The following CERT1 variants were observed in gnomAD, a reference collection of about 807,000 sequenced individuals.
The protein encoded by CERT1 is ceramide transporter 1, also known as ceramide transfer protein.
CERT1 carries 31 observed loss-of-function variants against 87.9 expected under a neutral mutation model. The ratio of observed to expected loss-of-function variants is 0.35; its 90% CI spans 0.27 to 0.48. CERT1 has a LOEUF of 0.48. Among genes scored for constraint, CERT1 ranks in the 20% least tolerant of loss-of-function variants. The pLI is 0.99. For missense variants in CERT1, 487 were observed against 758.0 expected (o/e 0.64, Z 4.20); for synonymous variants, 289 against 250.9 (o/e 1.15, Z -1.44).
Position 75,410,897 on chromosome 5 carries a change from AG to A in CERT1, c.930+113del. On this transcript the variant is annotated intron_variant, in intron 8 of 16. Transcript: ENST00000643780. ...ATACACTGAATTAACATAAACACTG[AG>A]GAAAAAATTATATATTTAGAATATT... is the stretch of plus-strand genomic sequence containing the variant. The A allele has an allele frequency of 5.9e-6, 3 of 511,060 alleles. No homozygotes were observed. The South Asian group carries it at 1.1e-4, about 18-fold the overall frequency. 31.7% of individuals were successfully genotyped at this position (511,060 alleles called of 1,614,324 possible).
intron 3 of CERT1, among the ~76,000 whole-genome samples, chr5:75,447,819 A>G (rs1235789595): frequency 3.3e-5 from 5 of 151,698 alleles, no homozygotes; most frequent in African/African-American, 1.2e-4. Context: ...TGTGTTACCC[A>G]GGCTAACGTG....
chr5:75,511,653 C>T, upstream of CERT1: 1 of 1,511,160 alleles, frequency 6.6e-7, no homozygotes, highest in East Asian at 2.5e-5. Context: ...CTGTCCTTTC[C>T]CCTCCCCTTC....
intron 2 of CERT1, among the ~76,000 whole-genome samples, chr5:75,497,158 T>C (rs1767110789): frequency 6.6e-6 from 1 of 152,146 alleles, no homozygotes; most frequent in Non-Finnish European, 1.5e-5. Context: ...TGCATGAGAA[T>C]CTGTTCAAAC....
At chr5:75,432,777 C>G (rs759363999) in intron 3 of CERT1, among the ~76,000 whole-genome samples, 83 of 152,312 alleles carry the variant, frequency 5.4e-4, no homozygotes, top group Non-Finnish European at 1.0e-3. Flanking sequence ...TCACCAAGGC[C>G]TATGCCTAGA....
At chr5:75,392,569 A>G (rs900441085) in intron 11 of CERT1, among the ~76,000 whole-genome samples, 2 of 152,188 alleles carry the variant, frequency 1.3e-5, no homozygotes, top group African/African-American at 4.8e-5. Context: ...AAAGTAACCA[A>G]TATTACCATA....
chr5:75,402,106 T>C (rs1176230916), intron 9 of CERT1: 1 of 152,210 alleles, frequency 6.6e-6, no homozygotes, highest in African/African-American at 2.4e-5. Context: ...GAAATACTTT[T>C]CTTCAATTTC....
chr5:75,484,637 TAAG>T (rs995221085), intron 2 of CERT1, among the ~76,000 whole-genome samples: 32 of 151,694 alleles, frequency 2.1e-4, no homozygotes, highest in African/African-American at 7.5e-4. Context: ...CAACAAGAAA[TAAG>T]AAGGTCGTTA....
intron 2 of CERT1, among the ~76,000 whole-genome samples, chr5:75,469,418 T>C (rs1001289091): frequency 3.9e-5 from 6 of 152,096 alleles, no homozygotes; most frequent in African/African-American, 1.2e-4. Flanking sequence ...ACAGAAAACT[T>C]TGCAAACCTG....
chr5:75,380,777 C>CAA (rs35083616), intron 16 of CERT1, among the ~76,000 whole-genome samples: 614 of 52,864 alleles, frequency 0.012, 13 homozygotes, highest in East Asian at 0.064. Flanking sequence ...GACTCCATCT[C>CAA]AAAAAAAAAA....
chr5:75,448,584 G>C (rs1342309642), intron 3 of CERT1, among the ~76,000 whole-genome samples: 1 of 152,106 alleles, frequency 6.6e-6, no homozygotes, highest in Non-Finnish European at 1.5e-5. Context: ...TTTTCTCCCA[G>C]CTAATGTCCT....
intron 3 of CERT1, among the ~76,000 whole-genome samples, chr5:75,439,931 G>C (rs111880314): frequency 3.7e-4 from 57 of 152,118 alleles, no homozygotes; most frequent in African/African-American, 8.9e-4. Flanking sequence ...CACTAGAGAA[G>C]TTATAGTCTG....
At chr5:75,382,982 C>T (rs965289406) in intron 14 of CERT1, among the ~76,000 whole-genome samples, 1 of 151,832 alleles carries the variant, frequency 6.6e-6, no homozygotes, top group African/African-American at 2.4e-5. Flanking sequence ...ATCAAGAGAC[C>T]AGTAGCCCTC....
chr5:75,469,532 G>T (rs1344896679), intron 2 of CERT1, among the ~76,000 whole-genome samples: 1 of 150,682 alleles, frequency 6.6e-6, no homozygotes, highest in Non-Finnish European at 1.5e-5. Flanking sequence ...TTTTTAGGTT[G>T]TTATCAGTTT....
intron 2 of CERT1, among the ~76,000 whole-genome samples, chr5:75,483,343 T>TA (rs1399472997): frequency 2.0e-5 from 3 of 151,412 alleles, no homozygotes; most frequent in African/African-American, 4.9e-5. Flanking sequence ...TCAGAGGAGA[T>TA]AAAAAAAGAA....
chr5:75,431,384 G>A (rs974435111), intron 3 of CERT1, among the ~76,000 whole-genome samples: 6 of 152,120 alleles, frequency 3.9e-5, no homozygotes, highest in African/African-American at 1.2e-4. Flanking sequence ...CATGAAGAAG[G>A]GAATTAGCAC....
At chr5:75,509,965 T>C (rs1272711631) in intron 1 of CERT1, among the ~76,000 whole-genome samples, 1 of 152,180 alleles carries the variant, frequency 6.6e-6, no homozygotes, top group Admixed American at 6.5e-5. Flanking sequence ...CAAATAAAAG[T>C]CAACACTTGC....
chr5:75,404,239 T>C (rs980499143), intron 8 of CERT1, among the ~76,000 whole-genome samples: 1 of 147,336 alleles, frequency 6.8e-6, no homozygotes, highest in Non-Finnish European at 1.5e-5. Flanking sequence ...GTTGACTTAA[T>C]GGAGTTCTTC....
chr5:75,470,270 C>T (rs1342033876), intron 2 of CERT1, among the ~76,000 whole-genome samples: 1 of 152,110 alleles, frequency 6.6e-6, no homozygotes, highest in African/African-American at 2.4e-5. Context: ...ACACATGGGA[C>T]GTTCCTCACA....
At chr5:75,456,162 A>T (rs1459431543) in intron 3 of CERT1, among the ~76,000 whole-genome samples, 7 of 152,228 alleles carry the variant, frequency 4.6e-5, no homozygotes, top group Non-Finnish European at 1.5e-5. Context: ...GAGGAAAAAA[A>T]ACAATGACAA....
Sources: gnomAD v4.1 joint callset for allele counts (sites outside exome capture counted in the v4.1 genomes callset) on GRCh38, gnomAD v4.1.1 for gene constraint, MANE v1.5 for transcripts, NCBI Gene and HGNC (gene_info 2026-07-23, HGNC 2026-07-21) for gene names.